The following LRP6 variants were observed in gnomAD, a reference collection of about 807,000 sequenced individuals.
LRP6 encodes the protein low-density lipoprotein receptor-related protein 6.
Under a neutral mutation model 184.1 loss-of-function variants are expected in LRP6, and 43 were observed. That is an observed-to-expected ratio of 0.23 (90% CI 0.18 to 0.30). LRP6 has a LOEUF of 0.30. LRP6 is among the 10% of genes least tolerant of loss of function. LRP6 has a pLI of 1.00. For missense variants in LRP6, 1,571 were observed against 2,005.3 expected (o/e 0.78, Z 4.14); for synonymous variants, 719 against 684.9 (o/e 1.05, Z -0.78).
Position 12,121,047 on chromosome 12 carries a change from C to T in LRP6, c.*79G>A, listed in dbSNP as rs1949597355. The T allele has an allele frequency of 7.6e-7, 1 of 1,313,460 alleles. No individual in the cohort carries two copies. The allele number at this position is 1,313,460 out of a possible 1,614,324, so 81.4% of individuals were successfully genotyped here. A position where few individuals can be genotyped will look rare whatever the true frequency, so the allele number is the denominator to read the frequency against. ...TCTGCCTCATCCTTCTCTAATAGCT[C>T]CCTCCCCCCCTCCAGATCTCAACCA... On this transcript the variant is annotated 3_prime_UTR_variant, in exon 23 of 23. Transcript: ENST00000261349.
At chr12:12,127,427 T>C (rs902150229) in intron 19 of LRP6, among the ~76,000 whole-genome samples, 1 of 152,206 alleles carries the variant, frequency 6.6e-6, no homozygotes, top group African/African-American at 2.4e-5. Flanking sequence ...TAGATTTGAA[T>C]AGTGACATTT....
chr12:12,207,099 G>C (rs866251731), intron 2 of LRP6, among the ~76,000 whole-genome samples: 1 of 152,312 alleles, frequency 6.6e-6, no homozygotes, highest in Middle Eastern at 3.4e-3. Flanking sequence ...CAGGTTTGTG[G>C]CATAAACATT....
At chr12:12,227,122 G>C (rs1467597805) in intron 2 of LRP6, among the ~76,000 whole-genome samples, 1 of 152,028 alleles carries the variant, frequency 6.6e-6, no homozygotes, top group African/African-American at 2.4e-5. Flanking sequence ...ATAGAGAATA[G>C]AGCGAAATAT....
At chr12:12,181,774 G>A (rs1863351130) in intron 5 of LRP6, among the ~76,000 whole-genome samples, 1 of 152,188 alleles carries the variant, frequency 6.6e-6, no homozygotes, top group South Asian at 2.1e-4. Flanking sequence ...AGAAGGAAAT[G>A]TAGGATATAG....
At chr12:12,145,365 T>C (rs1949989488) in intron 15 of LRP6, among the ~76,000 whole-genome samples, 1 of 152,078 alleles carries the variant, frequency 6.6e-6, no homozygotes, top group Non-Finnish European at 1.5e-5. Flanking sequence ...TAATTATAAA[T>C]GTATTCAAAC....
At chr12:12,155,352 A>G in intron 12 of LRP6, 2 of 764,664 alleles carry the variant, frequency 2.6e-6, no homozygotes, top group South Asian at 2.7e-5. Context: ...GGCCACCTAT[A>G]TGCAAATCTG....
At chr12:12,179,704 C>T in intron 7 of LRP6, 106 bp downstream of exon 7, 1 of 1,229,866 alleles carries the variant, frequency 8.1e-7, no homozygotes, top group Non-Finnish European at 1.2e-6. Context: ...CCTTTGGCAC[C>T]CCAGACAACT....
At chr12:12,252,261 T>G (rs1865342282) in intron 1 of LRP6, among the ~76,000 whole-genome samples, 2 of 152,380 alleles carry the variant, frequency 1.3e-5, no homozygotes, top group South Asian at 4.1e-4. Context: ...CCCATGATCC[T>G]ATTTAATCAA....
At chr12:12,145,113 G>A (rs1355334407) in intron 15 of LRP6, among the ~76,000 whole-genome samples, 1 of 151,790 alleles carries the variant, frequency 6.6e-6, no homozygotes, top group Admixed American at 6.6e-5. Flanking sequence ...GATTGCAACA[G>A]AAGGTGAATT....
chr12:12,175,295 AG>A (rs1390077574), intron 7 of LRP6, among the ~76,000 whole-genome samples: 3 of 152,066 alleles, frequency 2.0e-5, no homozygotes, highest in African/African-American at 7.2e-5. Context: ...AGGCTGGGGC[AG>A]GGGTATCACT....
intron 2 of LRP6, among the ~76,000 whole-genome samples, chr12:12,243,900 GC>G (rs1308054576): frequency 3.9e-5 from 6 of 152,072 alleles, no homozygotes; most frequent in African/African-American, 1.4e-4. Context: ...ACAGATGTGC[GC>G]CACTACGCCC....
chr12:12,179,655 T>C (rs1175420194), intron 7 of LRP6, among the ~76,000 whole-genome samples, 155 bp downstream of exon 7: 1 of 152,138 alleles, frequency 6.6e-6, no homozygotes, highest in Non-Finnish European at 1.5e-5. Context: ...ATATTATCCC[T>C]AGAATCATGA....
Position 12,266,726 on chromosome 12 carries a change from C to T in LRP6, c.10G>A (p.Val4Ile), listed in dbSNP as rs1219916847. 6.2e-7 allele frequency: 1 copy of T among 1,613,554 alleles called. No homozygotes were observed. The highest frequency in any genetic ancestry group is 1.3e-5 in the African/African-American group (1 of 75,036). MGA[V>I]LRSLLACSFC... is the part of the protein sequence containing the mutation. The stretch of plus-strand genomic sequence containing the variant: ...CTGCAGGCCAGGAGGCTCCTCAGGA[C>T]GGCCCCCATCTTCCCTTCTCGCGTT... Residue 4 changes from valine to isoleucine, a missense_variant, in exon 1 of 23, where the codon GTC becomes ATC. By Grantham distance (29) the Val-to-Ile change is conservative. Transcript: ENST00000261349.
intron 2 of LRP6, among the ~76,000 whole-genome samples, chr12:12,224,380 G>T (rs1263089362): frequency 6.6e-6 from 1 of 150,854 alleles, no homozygotes; most frequent in African/African-American, 2.4e-5. Context: ...AAACAGTACA[G>T]TCTACATGCT....
chr12:12,136,920 T>C (rs1949848585), intron 16 of LRP6, among the ~76,000 whole-genome samples: 1 of 152,222 alleles, frequency 6.6e-6, no homozygotes, highest in Non-Finnish European at 1.5e-5. Context: ...TCTGAAAATC[T>C]TGAGATTTTC....
Position 12,124,577 on chromosome 12 carries a change from T to C in LRP6, c.4535A>G (p.His1512Arg), listed in dbSNP as rs1949647461. The C allele has an allele frequency of 6.2e-6, 10 of 1,608,318 alleles. No homozygotes were observed. Among genetic ancestry groups the C allele is most frequent in the Admixed American group, 1.7e-5 (1 of 59,992 alleles). Residue 1512 changes from histidine to arginine, a missense_variant, in exon 22 of 23, where the codon CAT becomes CGT. This residue lies in a region of LRP6 where 763 missense variants were observed against 859.5 expected (regional missense o/e 0.89). Transcript: ENST00000261349. ...GGATGTGTATTACCTGTATGACCTA[T>C]GAGTGGAAGGACTGTTTGAAGAATA... ...FGYSSNSPSTHRSYSYRPYSY... is the reference protein window; with the variant it reads ...FGYSSNSPSTRRSYSYRPYSY...
At position 12,120,000 on chromosome 12, in the gene LRP6, TA is replaced by T; in HGVS notation, c.*1125del. 1 of 58,918 alleles carries T rather than the reference TA, an allele frequency of 1.7e-5. No individual in the cohort carries two copies. The highest frequency in any genetic ancestry group is 5.9e-4 in the South Asian group (1 of 1,688). The allele number at this position is 58,918 out of a possible 1,614,324, so 3.6% of individuals were successfully genotyped here. ...CAAACAAACAAACAAAATATATATA[TA>T]TATATATATATATATATATATATAT... On this transcript the variant is annotated 3_prime_UTR_variant, in exon 23 of 23. Transcript: ENST00000261349.
At chr12:12,256,107 T>G (rs897444299) in intron 1 of LRP6, among the ~76,000 whole-genome samples, 1 of 152,024 alleles carries the variant, frequency 6.6e-6, no homozygotes, top group Non-Finnish European at 1.5e-5. Flanking sequence ...AACGAAGGAG[T>G]TGGCCCAGGT....
Position 12,188,914 on chromosome 12 carries a change from G to C in LRP6, c.648-1795C>G, listed in dbSNP as rs115656317. On this transcript the variant is annotated intron_variant, in intron 3 of 22. Transcript: ENST00000261349. The stretch of plus-strand genomic sequence containing the variant: ...ATGGTGGAAACAGAGAGAGAACTGA[G>C]AAAGCTGCCAAAAAAGACAAGTAAC... 7.1e-3 allele frequency among the ~76,000 whole-genome samples: 1,086 copies of C among 152,100 alleles called. 7 individuals carry two copies. The highest frequency in any genetic ancestry group is 0.025 in the African/African-American group (1,029 of 41,516).
Sources: allele counts gnomAD v4.1 joint callset (sites outside exome capture counted in the v4.1 genomes callset), GRCh38; gene constraint gnomAD v4.1.1; regional missense constraint gnomAD v4.1.1; transcripts MANE v1.5; gene names NCBI Gene and HGNC (gene_info 2026-07-23, HGNC 2026-07-21).